Variants in TECR observed in about 807,000 individuals in gnomAD.
TECR encodes trans-2,3-enoyl-CoA reductase.
TECR carries 19 observed loss-of-function variants against 50.6 expected under a neutral mutation model. That is an observed-to-expected ratio of 0.38 (90% confidence interval 0.26 to 0.55). The LOEUF (loss-of-function observed/expected upper bound fraction) is 0.55. Ranked by LOEUF, TECR falls within the 20% of genes least tolerant of loss-of-function variation. The pLI, the probability that TECR is intolerant of heterozygous loss-of-function variation, is 0.79. For missense variants in TECR, 313 were observed against 408.3 expected, an observed-to-expected ratio of 0.77 and a Z score of 2.01; for synonymous variants, 168 against 163.5, an observed-to-expected ratio of 1.03 and a Z score of -0.21.
rs1225371482 is a variant in TECR at position 14,565,408 on chromosome 19, TG to T, written c.753+121del. ...CTTTTGCCGCCTGCACTGCGAGCAT[TG>T]GGAGGTGGAGACCGCGGCCTCTCTG... On this transcript the variant is annotated intron_variant, in intron 11 of 12. Transcript: ENST00000215567. 11 of 1,421,882 alleles carry T rather than the reference TG, an allele frequency of 7.7e-6. No homozygotes were observed. The African/African-American group carries it at 1.6e-4, about 20-fold the overall frequency. 88.1% of individuals were successfully genotyped at this position (1,421,882 alleles called of 1,614,324 possible).
intron 1 of TECR, chr19:14,545,256 C>T (rs1373614344): frequency 2.2e-6 from 1 of 455,250 alleles, no homozygotes. Context: ...TACTCTGTTC[C>T]AGCCTCCGGG....
At chr19:14,528,589 C>G (rs999162432), upstream of TECR, among the ~76,000 whole-genome samples, 1 of 152,058 alleles carries the variant, frequency 6.6e-6, no homozygotes, top group Non-Finnish European at 1.5e-5. Flanking sequence ...CCACTAGACA[C>G]GATTCTGGAC....
At chr19:14,549,015 GA>G (rs907990704) in intron 1 of TECR, among the ~76,000 whole-genome samples, 4 of 134,224 alleles carry the variant, frequency 3.0e-5, no homozygotes, top group African/African-American at 1.3e-4. Context: ...AGGTTTCTTT[GA>G]TTTTTTTTTT....
At chr19:14,543,443 T>A (rs1245174027) in intron 1 of TECR, among the ~76,000 whole-genome samples, 675 of 55,470 alleles carry the variant, frequency 0.012, 50 homozygotes, top group Non-Finnish European at 0.021. Context: ...TTTTTTTTTT[T>A]TTTTTTTTTT....
Position 14,563,119 on chromosome 19 carries a change from C to A in TECR, c.67-87C>A, listed in dbSNP as rs1454163449. 1 of 1,582,378 alleles carries A rather than the reference C, an allele frequency of 6.3e-7. No individual in the cohort carries two copies. The highest frequency in any genetic ancestry group is 8.7e-7 in the Non-Finnish European group (1 of 1,155,096). ...CCCTTCCCATAGCTACAGCCCAACCCCCAGCCTGCCATCCCCTTTAGTACC... is the reference window on the plus strand; with the variant it reads ...CCCTTCCCATAGCTACAGCCCAACCACCAGCCTGCCATCCCCTTTAGTACC... On this transcript the variant is annotated intron_variant, in intron 2 of 12. Coordinates refer to ENST00000215567, the MANE Select transcript of TECR (RefSeq NM_138501.6). The surrounding 1 kb of genome is among the most constrained non-coding windows in gnomAD (Gnocchi z 5.3).
intron 1 of TECR, among the ~76,000 whole-genome samples, chr19:14,554,043 G>C (rs557699683): frequency 6.6e-6 from 1 of 152,220 alleles, no homozygotes; most frequent in Non-Finnish European, 1.5e-5. Context: ...CAGGTGGGCT[G>C]TGCGGCACCA....
At position 14,563,194 on chromosome 19, in the gene TECR, T is replaced by G. The variant is rs1163772519; in HGVS notation, c.67-12T>G. The G allele has an allele frequency of 3.1e-6, 5 of 1,613,756 alleles. No individual in the cohort carries two copies. In the Admixed American group the frequency reaches 5.0e-5, roughly 16 times the overall value. On this transcript the variant is annotated splice_polypyrimidine_tract_variant and intron_variant, in intron 2 of 12. Transcript: ENST00000215567. This position sits in a 1 kb window ranked among gnomAD's most constrained non-coding sequence, Gnocchi z 5.3. ...CGCAGAGCTGACGTCCCTGCGCCTG[T>G]GCTTCCCCCAGGTGGAGCCCCACGC...
intron 1 of TECR, among the ~76,000 whole-genome samples, chr19:14,538,964 C>T (rs937972915): frequency 3.3e-5 from 5 of 150,952 alleles, no homozygotes; most frequent in African/African-American, 4.9e-5. Flanking sequence ...TGTCACACAC[C>T]ATGCAAGTCA....
chr19:14,549,942 CA>C (rs908988580), intron 1 of TECR, among the ~76,000 whole-genome samples: 223 of 144,380 alleles, frequency 1.5e-3, no homozygotes, highest in African/African-American at 4.1e-3. Flanking sequence ...GACTCTGTCT[CA>C]AAAAAAAAAA....
At chr19:14,541,767 C>T (rs2073103424) in intron 1 of TECR, among the ~76,000 whole-genome samples, 2 of 151,732 alleles carry the variant, frequency 1.3e-5, no homozygotes, top group Non-Finnish European at 2.9e-5. Flanking sequence ...CCAGAGAGAC[C>T]TGTGGACTTC....
At chr19:14,537,744 GTTTTT>G (rs533380690) in intron 1 of TECR, among the ~76,000 whole-genome samples, 2 of 126,272 alleles carry the variant, frequency 1.6e-5, no homozygotes, top group African/African-American at 2.9e-5. Context: ...AATTATCAGT[GTTTTT>G]TTTTTTTTTT....
At chr19:14,541,949 G>A (rs1391561272) in intron 1 of TECR, among the ~76,000 whole-genome samples, 6 of 152,026 alleles carry the variant, frequency 3.9e-5, no homozygotes, top group East Asian at 1.9e-4. Flanking sequence ...CACGCCTGGC[G>A]TATTTTTTGT....
At chr19:14,528,295 A>G (rs1024296835), upstream of TECR, among the ~76,000 whole-genome samples, 5 of 141,926 alleles carry the variant, frequency 3.5e-5, no homozygotes, top group African/African-American at 1.3e-4. Flanking sequence ...GCTGGAGTGT[A>G]GTGGCGAGAT....
intron 1 of TECR, among the ~76,000 whole-genome samples, chr19:14,551,401 A>T (rs1438040071): frequency 6.6e-6 from 1 of 151,992 alleles, no homozygotes; most frequent in Non-Finnish European, 1.5e-5. Flanking sequence ...GTAGAGAAGG[A>T]GTTTTGACAT....
chr19:14,542,347 GTTTTTT>G (rs71166754), intron 1 of TECR, among the ~76,000 whole-genome samples: 805 of 43,248 alleles, frequency 0.019, 3 homozygotes, highest in African/African-American at 0.038. Context: ...ATGCCATAGT[GTTTTTT>G]TTTTTTTTTT....
chr19:14,563,129 C>A lies in TECR; in HGVS notation c.67-77C>A. ...AGCTACAGCCCAACCCCCAGCCTGC[C>A]ATCCCCTTTAGTACCTCCCCATCCT... On this transcript the variant is annotated intron_variant, in intron 2 of 12. Coordinates refer to ENST00000215567, the MANE Select transcript of TECR (RefSeq NM_138501.6). The surrounding 1 kb of genome is among the most constrained non-coding windows in gnomAD (Gnocchi z 5.3). The A allele has an allele frequency of 6.2e-7, 1 of 1,603,038 alleles. No individual in the cohort carries two copies. Among genetic ancestry groups the A allele is most frequent in the Admixed American group, 1.7e-5 (1 of 59,558 alleles).
chr19:14,535,537 A>AT (rs2072846069), intron 1 of TECR, among the ~76,000 whole-genome samples: 1 of 47,406 alleles, frequency 2.1e-5, no homozygotes, highest in African/African-American at 1.0e-4. Context: ...AAAAAAAAAA[A>AT]AAAAAAATAT....
chr19:14,558,978 C>T (rs535325755), intron 1 of TECR, among the ~76,000 whole-genome samples: 14 of 152,260 alleles, frequency 9.2e-5, no homozygotes, highest in Middle Eastern at 3.4e-3. Context: ...CAGGCCTGGG[C>T]AGGCGTGTGT....
chr19:14,539,323 T>G (rs554554742), intron 1 of TECR, among the ~76,000 whole-genome samples: 180 of 152,082 alleles, frequency 1.2e-3, no homozygotes, highest in African/African-American at 3.8e-3. Context: ...GATCAGCTCT[T>G]TCCTTCTTCA....
Sources: allele counts gnomAD v4.1 joint callset (sites outside exome capture counted in the v4.1 genomes callset), GRCh38; gene constraint gnomAD v4.1.1; non-coding constraint Gnocchi (gnomAD v3.1); transcripts MANE v1.5; gene names NCBI Gene and HGNC (gene_info 2026-07-23, HGNC 2026-07-21).